Variants in LRRIQ3 observed in about 807,000 individuals in gnomAD.
The protein encoded by LRRIQ3 is leucine-rich repeat and IQ domain-containing protein 3.
LRRIQ3 carries 75 observed loss-of-function variants against 59.3 expected under a neutral mutation model. That is an observed-to-expected ratio of 1.26 (90% CI 1.05 to 1.53). LRRIQ3 has a LOEUF of 1.53. Ranked by LOEUF, LRRIQ3 falls within the 40% of genes most tolerant of loss-of-function variation. LRRIQ3 has a pLI of 0.00. For synonymous variants in LRRIQ3, 250 were observed against 231.3 expected (o/e 1.08, Z -0.73); for missense variants, 831 against 710.0 (o/e 1.17, Z -1.94).
At chr1:74,167,776 T>A (rs993103123) in intron 3 of LRRIQ3, among the ~76,000 whole-genome samples, 1 of 151,590 alleles carries the variant, frequency 6.6e-6, no homozygotes, top group Non-Finnish European at 1.5e-5. Flanking sequence ...TAAAATACAC[T>A]AAAACCACTG....
At chr1:74,156,026 C>T (rs962134383) in intron 3 of LRRIQ3, among the ~76,000 whole-genome samples, 160 bp from the exon 4 acceptor site, 1 of 152,104 alleles carries the variant, frequency 6.6e-6, no homozygotes, top group Non-Finnish European at 1.5e-5. Context: ...GATGTTTGTG[C>T]CCTCCAAATC....
At chr1:74,181,421 T>G (rs915797385) in intron 3 of LRRIQ3, 5 of 151,898 alleles carry the variant, frequency 3.3e-5, no homozygotes, top group Non-Finnish European at 7.4e-5. Flanking sequence ...CTTCATTATA[T>G]TCATCAAGTC....
intron 4 of LRRIQ3, among the ~76,000 whole-genome samples, chr1:74,146,219 T>C (rs1279737263): frequency 6.6e-6 from 1 of 152,148 alleles, no homozygotes; most frequent in East Asian, 1.9e-4. Context: ...GAATGCATCC[T>C]TGTCATTAAG....
At chr1:74,076,490 T>C (rs937126405) in intron 5 of LRRIQ3, among the ~76,000 whole-genome samples, 1 of 152,094 alleles carries the variant, frequency 6.6e-6, no homozygotes, top group Non-Finnish European at 1.5e-5. Context: ...ACCACATTCA[T>C]TTAAGAAGAA....
At chr1:74,056,412 T>C (rs920364609) in intron 6 of LRRIQ3, among the ~76,000 whole-genome samples, 1 of 151,962 alleles carries the variant, frequency 6.6e-6, no homozygotes. Flanking sequence ...CAAATTGGAA[T>C]AGAGAAAGTC....
intron 6 of LRRIQ3, among the ~76,000 whole-genome samples, chr1:74,066,534 C>T (rs1654872528): frequency 1.3e-5 from 2 of 152,102 alleles, no homozygotes; most frequent in Admixed American, 6.6e-5. Flanking sequence ...ACAGCAGCAG[C>T]AGCAGCTAAC....
chr1:74,114,893 TAA>T (rs1646757129), intron 4 of LRRIQ3, among the ~76,000 whole-genome samples: 1 of 152,018 alleles, frequency 6.6e-6, no homozygotes, highest in Non-Finnish European at 1.5e-5. Flanking sequence ...TGAATAATGT[TAA>T]GATTTAAGTT....
chr1:74,087,468 C>T (rs1489414321), intron 5 of LRRIQ3, among the ~76,000 whole-genome samples: 4 of 122,396 alleles, frequency 3.3e-5, no homozygotes, highest in South Asian at 2.7e-4. Flanking sequence ...ATTATATAAA[C>T]GTATTGGTCT....
At chr1:74,118,335 AT>A (rs1392672269) in intron 4 of LRRIQ3, among the ~76,000 whole-genome samples, 5 of 151,994 alleles carry the variant, frequency 3.3e-5, no homozygotes, top group African/African-American at 9.6e-5. Context: ...TGTTAAATGT[AT>A]TTTTTTTGTA....
At chr1:74,152,334 A>G (rs1169402751) in intron 4 of LRRIQ3, among the ~76,000 whole-genome samples, 1 of 152,136 alleles carries the variant, frequency 6.6e-6, no homozygotes, top group Non-Finnish European at 1.5e-5. Flanking sequence ...GTAGAAAAAG[A>G]ACTACCATCA....
At chr1:74,038,774 A>C (rs529130182) in intron 7 of LRRIQ3, among the ~76,000 whole-genome samples, 26 of 152,190 alleles carry the variant, frequency 1.7e-4, no homozygotes, top group Non-Finnish European at 3.2e-4. Flanking sequence ...AAACAACAAC[A>C]ATAGCATCAG....
chr1:74,180,545 A>G (rs1195844526), intron 3 of LRRIQ3: 2 of 556,138 alleles, frequency 3.6e-6, no homozygotes, highest in Middle Eastern at 2.8e-4. Context: ...TTTCTGTTAA[A>G]TAAGTTCTTT....
At chr1:74,187,021 A>G (rs952950758) in intron 1 of LRRIQ3, among the ~76,000 whole-genome samples, 4 of 152,150 alleles carry the variant, frequency 2.6e-5, no homozygotes, top group African/African-American at 7.2e-5. Flanking sequence ...CCATAATTAA[A>G]AAGTCAAAAA....
chr1:74,103,324 T>C (rs1037237126), intron 5 of LRRIQ3, among the ~76,000 whole-genome samples: 4 of 151,972 alleles, frequency 2.6e-5, no homozygotes. Context: ...TTTACTACAG[T>C]GCCTGGAATA....
At chr1:74,076,763 G>T (rs988587600) in intron 5 of LRRIQ3, among the ~76,000 whole-genome samples, 1 of 151,928 alleles carries the variant, frequency 6.6e-6, no homozygotes, top group Non-Finnish European at 1.5e-5. Flanking sequence ...CATAGGGTAA[G>T]GGCTTTTTAA....
intron 6 of LRRIQ3, among the ~76,000 whole-genome samples, chr1:74,043,437 C>T (rs1654108199): frequency 1.3e-5 from 2 of 152,022 alleles, no homozygotes; most frequent in African/African-American, 4.8e-5. Flanking sequence ...CGAAAGGCTA[C>T]AGGAGTATCA....
intron 5 of LRRIQ3, among the ~76,000 whole-genome samples, chr1:74,085,846 G>C (rs1337788994): frequency 1.3e-5 from 2 of 151,948 alleles, no homozygotes; most frequent in South Asian, 2.1e-4. Flanking sequence ...CTCAATAATT[G>C]ACTGATTGAT....
intron 5 of LRRIQ3, among the ~76,000 whole-genome samples, chr1:74,105,791 T>C (rs1646604411): frequency 6.6e-6 from 1 of 152,050 alleles, no homozygotes. Flanking sequence ...CCATGAGTCT[T>C]ATTTATAGGA....
intron 3 of LRRIQ3, chr1:74,181,975 C>T (rs1650006291): frequency 6.6e-6 from 1 of 151,632 alleles, no homozygotes; most frequent in African/African-American, 2.4e-5. Flanking sequence ...CTCTTTTGAA[C>T]TCTTAAATGA....
Sources: gnomAD v4.1 joint callset for allele counts (sites outside exome capture counted in the v4.1 genomes callset) on GRCh38, gnomAD v4.1.1 for gene constraint, MANE v1.5 for transcripts, NCBI Gene and HGNC (gene_info 2026-07-23, HGNC 2026-07-21) for gene names.